ARHGEF18: variants seen among roughly 807,000 people sequenced by gnomAD.
ARHGEF18 encodes rho guanine nucleotide exchange factor 18.
Under a neutral mutation model 155.7 loss-of-function variants are expected in ARHGEF18, and 93 were observed. The observed-to-expected ratio is 0.60, with a 90% CI of 0.50 to 0.71. The LOEUF is 0.71. Ranked by LOEUF, ARHGEF18 falls within the 30% of genes least tolerant of loss-of-function variation. The pLI, the probability that ARHGEF18 is intolerant of heterozygous loss-of-function variation, is 0.00. For missense variants in ARHGEF18, 1,593 were observed against 1,816.1 expected, an observed-to-expected ratio of 0.88 and a Z score of 2.23; for synonymous variants, 742 against 753.1, an observed-to-expected ratio of 0.99 and a Z score of 0.24.
intron 2 of ARHGEF18, among the ~76,000 whole-genome samples, chr19:7,363,697 G>A (rs1006118148): frequency 6.6e-5 from 10 of 151,430 alleles, no homozygotes; most frequent in Admixed American, 3.3e-4. Flanking sequence ...GAGAAGAAAT[G>A]TGAGTGGAAG....
chr19:7,363,882 AG>A (rs1333911428), intron 2 of ARHGEF18, among the ~76,000 whole-genome samples: 1 of 149,564 alleles, frequency 6.7e-6, no homozygotes, highest in Non-Finnish European at 1.5e-5. Flanking sequence ...AAAGGAAGGA[AG>A]GGGGATGGAT....
intron 10 of ARHGEF18, among the ~76,000 whole-genome samples, chr19:7,385,528 T>C (rs1053095237): frequency 2.7e-5 from 4 of 150,426 alleles, no homozygotes; most frequent in Non-Finnish European, 4.4e-5. Flanking sequence ...CAGGCTGGAG[T>C]GCAGTGGCAC....
intron 10 of ARHGEF18, among the ~76,000 whole-genome samples, chr19:7,425,609 G>T (rs1973614480): frequency 6.6e-6 from 1 of 151,444 alleles, no homozygotes; most frequent in African/African-American, 2.4e-5. Flanking sequence ...TTGAACCTGG[G>T]AGGTGGACGT....
At chr19:7,385,893 T>C (rs1258258928) in intron 10 of ARHGEF18, among the ~76,000 whole-genome samples, 7 of 33,662 alleles carry the variant, frequency 2.1e-4, no homozygotes, top group African/African-American at 4.3e-4. Context: ...TCTCCCTCCC[T>C]CCCTCTCTCT....
At chr19:7,392,239 T>G (rs1201066798) in intron 10 of ARHGEF18, among the ~76,000 whole-genome samples, 1 of 55,940 alleles carries the variant, frequency 1.8e-5, no homozygotes, top group Non-Finnish European at 2.8e-5. Context: ...AGACTCCGTC[T>G]CAAAAAAAAA....
At chr19:7,479,093 G>GTGCAGGA in the ARHGEF18 span, among the ~76,000 whole-genome samples, 1 of 152,200 alleles carries the variant, frequency 6.6e-6, no homozygotes, top group African/African-American at 2.4e-5. Context: ...GGTACCCAGG[G>GTGCAGGA]TGCAGGATGC....
chr19:7,373,918 C>T (rs1436734143), intron 3 of ARHGEF18, among the ~76,000 whole-genome samples: 4 of 149,788 alleles, frequency 2.7e-5, no homozygotes, highest in Non-Finnish European at 5.9e-5. Flanking sequence ...CACCACCACA[C>T]CCGGCTAATT....
chr19:7,368,675 C>T (rs188214144), intron 2 of ARHGEF18, among the ~76,000 whole-genome samples: 2 of 152,128 alleles, frequency 1.3e-5, no homozygotes, highest in East Asian at 1.9e-4. Flanking sequence ...GCTGTCCTGA[C>T]GTGTTTATAT....
intron 10 of ARHGEF18, chr19:7,394,995 C>A (rs982832997): frequency 2.1e-6 from 2 of 958,292 alleles, no homozygotes; most frequent in East Asian, 1.2e-4. Flanking sequence ...CCCCTCACCA[C>A]GGCTCGGGGA....
chr19:7,460,376 T>G (rs1238880996), intron 20 of ARHGEF18, among the ~76,000 whole-genome samples: 5 of 152,088 alleles, frequency 3.3e-5, no homozygotes, highest in Non-Finnish European at 5.9e-5. Context: ...AGCTTCCTCC[T>G]CCCTGTTTAA....
At chr19:7,406,081 T>G (rs1434702516) in intron 10 of ARHGEF18, among the ~76,000 whole-genome samples, 1 of 151,894 alleles carries the variant, frequency 6.6e-6, no homozygotes, top group Non-Finnish European at 1.5e-5. Flanking sequence ...CCAGATTCTT[T>G]TTGTTGTTGT....
At chr19:7,383,008 A>G in intron 9 of ARHGEF18, 54 bp from the exon 10 acceptor site, 2 of 1,232,328 alleles carry the variant, frequency 1.6e-6, no homozygotes, top group Non-Finnish European at 2.0e-6. Flanking sequence ...CACAGTATAT[A>G]AGAGGGCCAG....
In ARHGEF18 at chr19:7,464,650, A is replaced by C; in HGVS notation, c.2864A>C (p.Asp955Ala). 6.2e-7 allele frequency: 1 copy of C among 1,613,994 alleles called. No individual in the cohort carries two copies. Among genetic ancestry groups the C allele is most frequent in the Non-Finnish European group, 8.5e-7 (1 of 1,179,980 alleles). ...PPNSPDLKLS[D>A]SDIPGSSEES... ...AACAGCCCGGACTTGAAGCTCAGTG[A>C]CAGTGACATTCCTGGGAGCTCTGAG... The change falls in exon 23 of 29, where the codon GAC (aspartate) becomes GCC (alanine). Residue 955 changes from aspartate (D) to alanine (A), a missense_variant. Coordinates refer to ENST00000668164, the MANE Select transcript of ARHGEF18 (RefSeq NM_001367823.1).
chr19:7,357,061 T>C (rs565787228), intron 1 of ARHGEF18, among the ~76,000 whole-genome samples: 1 of 152,164 alleles, frequency 6.6e-6, no homozygotes, highest in African/African-American at 2.4e-5. Context: ...TTGGTGGCTG[T>C]TGAGCTCTCA....
chr19:7,367,975 GAA>G lies in ARHGEF18; in HGVS notation c.16-4835_16-4834del, dbSNP rs1491100683. On this transcript the variant is annotated intron_variant, in intron 2 of 28. Transcript: ENST00000668164. ...ACCTGGAAAGAAGGAAGAAAGGAAAGAAAGAGAGAGAGAGAGAGAGAGAGAGG... is the reference window on the plus strand; with the variant it reads ...ACCTGGAAAGAAGGAAGAAAGGAAAGAGAGAGAGAGAGAGAGAGAGAGAGG... Among the ~76,000 whole-genome samples the G allele has an allele frequency of 3.0e-4, 5 of 16,544 alleles. No homozygotes were observed. In the Admixed American group the frequency reaches 3.5e-3, roughly 12 times the overall value. The allele number at this position is 16,544 out of a possible 152,430, so 10.9% of individuals were successfully genotyped here.
chr19:7,373,544 C>T (rs7253648), intron 3 of ARHGEF18, among the ~76,000 whole-genome samples: 2,494 of 150,264 alleles, frequency 0.017, 77 homozygotes, highest in African/African-American at 0.057. Context: ...GGCGTGATCT[C>T]GGCTCACTGC....
At position 7,471,101 on chromosome 19, in the gene ARHGEF18, C is replaced by T. The variant is rs1000443505; in HGVS notation, c.*803C>T. The T allele has an allele frequency of 6.3e-6, 2 of 318,092 alleles. No individual in the cohort carries two copies. Among genetic ancestry groups the T allele is most frequent in the Admixed American group, 5.0e-5 (1 of 20,000 alleles). 19.7% of individuals were successfully genotyped at this position (318,092 alleles called of 1,614,324 possible). The stretch of plus-strand genomic sequence containing the variant: ...CACACGCTCAGCCTGTCTGGGGGAG[C>T]GGGCCTCTAGCTTCAGCCAGGGCGG... On this transcript the variant is annotated 3_prime_UTR_variant, in exon 29 of 29. Coordinates refer to ENST00000668164, the MANE Select transcript of ARHGEF18 (RefSeq NM_001367823.1). This position sits in a 1 kb window ranked among gnomAD's most constrained non-coding sequence, Gnocchi z 4.4.
intron 10 of ARHGEF18, among the ~76,000 whole-genome samples, chr19:7,385,855 CTCTCTCTCTCTCTCT>C (rs1970997598): frequency 9.2e-6 from 1 of 108,492 alleles, no homozygotes; most frequent in African/African-American, 4.9e-5. Flanking sequence ...CTCTCTCTCT[CTCTCTCTCTCTCTCT>C]CCCCCCTCCC....
chr19:7,478,366 T>A, the ARHGEF18 span: 3 of 1,610,744 alleles, frequency 1.9e-6, no homozygotes, highest in Non-Finnish European at 2.5e-6. Context: ...TTCAGCAGCA[T>A]CCACAGGGAC....
Sources: gnomAD v4.1 joint callset for allele counts (sites outside exome capture counted in the v4.1 genomes callset) on GRCh38, gnomAD v4.1.1 for gene constraint, Gnocchi (gnomAD v3.1) non-coding constraint, MANE v1.5 for transcripts, NCBI Gene and HGNC (gene_info 2026-07-23, HGNC 2026-07-21) for gene names.